TMEM245: variants seen among roughly 807,000 people sequenced by gnomAD.
TMEM245 encodes protein CG-2.
Under a neutral mutation model 101.2 loss-of-function variants are expected in TMEM245, and 69 were observed. The ratio of observed to expected loss-of-function variants is 0.68; its 90% CI spans 0.56 to 0.83. The LOEUF is 0.83. Among genes scored for constraint, TMEM245 ranks in the 40% least tolerant of loss-of-function variants. The pLI is 0.00. For synonymous variants in TMEM245, 537 were observed against 449.8 expected (o/e 1.19, Z -2.45); for missense variants, 1,075 against 1,092.8 (o/e 0.98, Z 0.23).
At chr9:109,036,435 A>C in intron 15 of TMEM245, 55 bp from the exon 16 acceptor site, 1 of 1,480,616 alleles carries the variant, frequency 6.8e-7, no homozygotes, top group East Asian at 2.4e-5. Context: ...ACACTAACAA[A>C]GCAAAAGAAT....
intron 17 of TMEM245, among the ~76,000 whole-genome samples, chr9:109,025,624 CT>C (rs966982671): frequency 2.6e-5 from 4 of 152,098 alleles, no homozygotes; most frequent in African/African-American, 9.7e-5. Flanking sequence ...ATTTTCTGGG[CT>C]TTAATATTCA....
chr9:109,083,520 A>G (rs1588060490), intron 7 of TMEM245, among the ~76,000 whole-genome samples: 1 of 152,284 alleles, frequency 6.6e-6, no homozygotes, highest in East Asian at 1.9e-4. Context: ...GACATTCCGA[A>G]TGTTTCAAAT....
chr9:109,050,844 A>G, intron 12 of TMEM245, 152 bp from the exon 13 acceptor site: 6 of 876,288 alleles, frequency 6.8e-6, no homozygotes, highest in Non-Finnish European at 9.9e-6. Context: ...AAAAAAAAAG[A>G]AAAATCAACC....
intron 8 of TMEM245, among the ~76,000 whole-genome samples, chr9:109,074,024 C>G (rs992778019): frequency 6.6e-6 from 1 of 151,894 alleles, no homozygotes; most frequent in Admixed American, 6.6e-5. Context: ...CCACGCCTGT[C>G]TAATTTTGTA....
chr9:109,083,399 A>G (rs1435178699), intron 7 of TMEM245, among the ~76,000 whole-genome samples: 1 of 152,226 alleles, frequency 6.6e-6, no homozygotes, highest in Non-Finnish European at 1.5e-5. Context: ...CTGCCCTCGC[A>G]TGGAAATTAC....
chr9:109,022,223 T>C (rs911150910), intron 17 of TMEM245, among the ~76,000 whole-genome samples: 6 of 152,206 alleles, frequency 3.9e-5, no homozygotes, highest in African/African-American at 1.4e-4. Context: ...GATGGTGCCC[T>C]AAGCCTCTGG....
chr9:109,038,175 G>C, intron 14 of TMEM245, 58 bp from the exon 15 acceptor site: 2 of 1,326,870 alleles, frequency 1.5e-6, no homozygotes, highest in East Asian at 2.5e-5. Context: ...TCGTGATTCA[G>C]AAAAATCACG....
chr9:109,099,294 G>A (rs1830223333), intron 3 of TMEM245, among the ~76,000 whole-genome samples: 1 of 152,170 alleles, frequency 6.6e-6, no homozygotes, highest in Non-Finnish European at 1.5e-5. Context: ...GAGGGGAGCA[G>A]TAAAACATTT....
chr9:109,104,405 G>A (rs748628232), intron 3 of TMEM245, among the ~76,000 whole-genome samples: 1 of 151,860 alleles, frequency 6.6e-6, no homozygotes, highest in Non-Finnish European at 1.5e-5. Flanking sequence ...TGCATCCCAC[G>A]CTCATAAATT....
At chr9:109,106,391 C>G in intron 3 of TMEM245, 117 bp downstream of exon 3, 4 of 554,222 alleles carry the variant, frequency 7.2e-6, no homozygotes, top group Non-Finnish European at 1.2e-5. Context: ...ATTTTCCACT[C>G]AGAAACCATC....
At chr9:109,051,507 C>T (rs552869659) in intron 12 of TMEM245, among the ~76,000 whole-genome samples, 110 of 152,244 alleles carry the variant, frequency 7.2e-4, no homozygotes, top group African/African-American at 2.5e-3. Context: ...CACATATAGG[C>T]TGTAAGATAC....
At chr9:109,032,156 ATATCATTGGTTATGACTGGTTATCATTG>A (rs1827962269) in intron 17 of TMEM245, among the ~76,000 whole-genome samples, 1 of 152,132 alleles carries the variant, frequency 6.6e-6, no homozygotes. Context: ...CAGAACCAAA[ATATCATTGGTTATGACTGGTTATCATTG>A]TATCATTGGT....
At position 109,090,902 on chromosome 9, in the gene TMEM245, G is replaced by A. The variant is rs116155655; in HGVS notation, c.1150+20C>T. ...CAATCTTCAAAGACAAGACGAGATCGTACTTAACCAGATAACGACCTGCAA... is the reference window on the plus strand; with the variant it reads ...CAATCTTCAAAGACAAGACGAGATCATACTTAACCAGATAACGACCTGCAA... On this transcript the variant is annotated intron_variant, in intron 5 of 17. Coordinates refer to ENST00000374586, the MANE Select transcript of TMEM245 (RefSeq NM_032012.4). 3,012 of 1,606,338 alleles carry A rather than the reference G, an allele frequency of 1.9e-3. 58 individuals are homozygous for A. In the South Asian group the frequency reaches 0.027, roughly 15 times the overall value.
At chr9:109,101,157 A>G (rs992802988) in intron 3 of TMEM245, among the ~76,000 whole-genome samples, 1 of 152,168 alleles carries the variant, frequency 6.6e-6, no homozygotes, top group African/African-American at 2.4e-5. Context: ...ATAGAAGAGT[A>G]CTCTGGGTCT....
intron 3 of TMEM245, among the ~76,000 whole-genome samples, chr9:109,099,559 C>T (rs1830230243): frequency 6.6e-6 from 1 of 152,106 alleles, no homozygotes. Context: ...ATTTCTTATA[C>T]TCAGAGAAAA....
chr9:109,018,023 T>C lies in TMEM245; in HGVS notation c.*2437A>G, dbSNP rs1827500156. ...CTGCTCCTGGTATTTCAGGGTGATATTACATCACTGCTGCTAATTTTGGTA... is the reference window on the plus strand; with the variant it reads ...CTGCTCCTGGTATTTCAGGGTGATACTACATCACTGCTGCTAATTTTGGTA... On this transcript the variant is annotated 3_prime_UTR_variant, in exon 18 of 18. Transcript: ENST00000374586. 1 of 152,198 alleles carries C rather than the reference T, an allele frequency of 6.6e-6. No homozygotes were observed. The highest frequency in any genetic ancestry group is 1.5e-5 in the Non-Finnish European group (1 of 68,040). The allele number at this position is 152,198 out of a possible 1,614,324, so 9.4% of individuals were successfully genotyped here. A position where few individuals can be genotyped will look rare whatever the true frequency, so the allele number is the denominator to read the frequency against.
chr9:109,111,711 G>C (rs1224616271), intron 1 of TMEM245, among the ~76,000 whole-genome samples: 1 of 152,078 alleles, frequency 6.6e-6, no homozygotes, highest in Non-Finnish European at 1.5e-5. Context: ...TTTAAATAAT[G>C]CTATCTCCAA....
At chr9:109,073,306 G>T in intron 9 of TMEM245, 50 bp downstream of exon 9, 3 of 1,384,700 alleles carry the variant, frequency 2.2e-6, no homozygotes, top group Non-Finnish European at 3.1e-6. Flanking sequence ...GCAAACAGAT[G>T]CTGAAACTAG....
Position 109,090,966 on chromosome 9 carries a change from C to G in TMEM245, c.1106G>C (p.Trp369Ser). ...LVWAIVVMQI[W>S]LNLWIVQLLP... ...CAACTGCACAATCCACAGGTTCAAC[C>G]AGATCTGCATGACGACAATGGCCCA... The change falls in exon 5 of 18, where the codon TGG (tryptophan) becomes TCG (serine). Residue 369 changes from tryptophan (W) to serine (S), a missense_variant. Physicochemically the swap from Trp to Ser is radical, Grantham distance 177. This residue lies in a region of TMEM245 where 808 missense variants were observed against 741.5 expected (regional missense o/e 1.09). Coordinates refer to ENST00000374586, the MANE Select transcript of TMEM245 (RefSeq NM_032012.4). The G allele has an allele frequency of 6.2e-7, 1 of 1,614,168 alleles. No individual in the cohort carries two copies. Among genetic ancestry groups the G allele is most frequent in the African/African-American group, 1.3e-5 (1 of 75,038 alleles).
Sources: gnomAD v4.1 joint callset for allele counts (sites outside exome capture counted in the v4.1 genomes callset) on GRCh38, gnomAD v4.1.1 for gene constraint, gnomAD v4.1.1 regional missense constraint, MANE v1.5 for transcripts, NCBI Gene and HGNC (gene_info 2026-07-23, HGNC 2026-07-21) for gene names.